Variants in PSMD14 observed in about 807,000 individuals in gnomAD.
The protein encoded by PSMD14 is proteasome 26S subunit, non-ATPase 14.
PSMD14 carries 7 observed loss-of-function variants against 41.2 expected under a neutral mutation model. That is an observed-to-expected ratio of 0.17 (90% CI 0.10 to 0.32). The LOEUF is 0.32. PSMD14 is among the 10% of genes least tolerant of loss of function. PSMD14 has a pLI of 1.00. For synonymous variants in PSMD14, 114 were observed against 122.3 expected, an observed-to-expected ratio of 0.93 and a Z score of 0.45; for missense variants, 139 against 375.6, an observed-to-expected ratio of 0.37 and a Z score of 5.21.
intron 3 of PSMD14, among the ~76,000 whole-genome samples, chr2:161,323,172 T>C (rs1682635500): frequency 6.6e-6 from 1 of 152,248 alleles, no homozygotes; most frequent in Admixed American, 6.5e-5. Context: ...CCTGTATTAC[T>C]GTACTGGAAT....
At chr2:161,377,214 A>G (rs1414236740) in intron 7 of PSMD14, among the ~76,000 whole-genome samples, 1 of 151,988 alleles carries the variant, frequency 6.6e-6, no homozygotes. Context: ...AGTCCTAATC[A>G]TAAATTATAC....
chr2:161,362,177 C>T (rs1277882045), intron 3 of PSMD14, among the ~76,000 whole-genome samples: 1 of 152,156 alleles, frequency 6.6e-6, no homozygotes, highest in Non-Finnish European at 1.5e-5. Context: ...GCCATCTTCC[C>T]ACTCAGCGTC....
At chr2:161,325,334 A>C (rs1472495220) in intron 3 of PSMD14, among the ~76,000 whole-genome samples, 1 of 152,162 alleles carries the variant, frequency 6.6e-6, no homozygotes, top group Non-Finnish European at 1.5e-5. Context: ...TCATGAATTG[A>C]ATAGGATGTA....
At chr2:161,337,724 TGTATAAACAG>T (rs1238607110) in intron 3 of PSMD14, among the ~76,000 whole-genome samples, 2 of 152,214 alleles carry the variant, frequency 1.3e-5, no homozygotes, top group African/African-American at 4.8e-5. Context: ...TTTTTCAAAG[TGTATAAACAG>T]GTACATTTGC....
In PSMD14 at chr2:161,391,245, G is replaced by T. The variant is rs564045843; in HGVS notation, c.645+67G>T. The T allele has an allele frequency of 4.3e-6, 6 of 1,403,618 alleles. No individual in the cohort carries two copies. The African/African-American group carries it at 8.7e-5, about 20-fold the overall frequency. The allele number at this position is 1,403,618 out of a possible 1,614,324, so 86.9% of individuals were successfully genotyped here. ...TTCAAACCATTTAAACTATTACCTG[G>T]TATGTGATTTAAATTCGAATTTTTG... On this transcript the variant is annotated intron_variant, in intron 9 of 11. Transcript: ENST00000409682.
At chr2:161,344,454 C>A (rs1480769273) in intron 3 of PSMD14, among the ~76,000 whole-genome samples, 1 of 152,246 alleles carries the variant, frequency 6.6e-6, no homozygotes, top group African/African-American at 2.4e-5. Flanking sequence ...TAATCTCATT[C>A]ATGAGGCTTC....
chr2:161,320,454 C>T (rs1473050725), intron 3 of PSMD14, among the ~76,000 whole-genome samples: 3 of 151,994 alleles, frequency 2.0e-5, no homozygotes, highest in East Asian at 1.9e-4. Flanking sequence ...GATTAATCAG[C>T]CATTGTGTCC....
At chr2:161,382,312 A>G (rs1310674573) in intron 7 of PSMD14, 3 of 151,842 alleles carry the variant, frequency 2.0e-5, no homozygotes, top group African/African-American at 4.8e-5. Flanking sequence ...TGAGTTGCGC[A>G]TAGACCAAAG....
chr2:161,370,115 T>C lies in PSMD14; in HGVS notation c.249T>C (p.Ser83=). 6.3e-7 allele frequency: 1 copy of C among 1,585,308 alleles called. No individual in the cohort carries two copies. The highest frequency in any genetic ancestry group is 1.8e-5 in the Admixed American group (1 of 56,776). ...CTTTCTTTCTAAATCAGGGTGTCAG[T>C]GTGGAGGCAGTTGATCCAGTGTTCC... ...FAMPQSGTGV[S]VEAVDPVFQA... is the part of the protein sequence containing the mutation. Residue 83 remains serine (S), a synonymous_variant, in exon 6 of 12, where the codon AGT becomes AGC. Coordinates refer to ENST00000409682, the MANE Select transcript of PSMD14 (RefSeq NM_005805.6).
chr2:161,399,522 G>C (rs79270060), intron 10 of PSMD14, among the ~76,000 whole-genome samples: 1 of 151,966 alleles, frequency 6.6e-6, no homozygotes, highest in African/African-American at 2.4e-5. Context: ...CTTTAATGCC[G>C]ATTTGTGAGA....
At chr2:161,326,690 A>G (rs1200270008) in intron 3 of PSMD14, among the ~76,000 whole-genome samples, 1 of 152,178 alleles carries the variant, frequency 6.6e-6, no homozygotes, top group Non-Finnish European at 1.5e-5. Context: ...AATAAAATGC[A>G]TATACACTCA....
chr2:161,348,162 ATCT>A (rs1362554718), intron 3 of PSMD14, among the ~76,000 whole-genome samples: 1 of 152,178 alleles, frequency 6.6e-6, no homozygotes, highest in African/African-American at 2.4e-5. Context: ...AACCCAGCAA[ATCT>A]TCTCCTAATT....
intron 3 of PSMD14, among the ~76,000 whole-genome samples, chr2:161,347,469 G>T (rs947983140): frequency 1.3e-5 from 2 of 152,122 alleles, no homozygotes; most frequent in Non-Finnish European, 2.9e-5. Flanking sequence ...AAAAATTTGT[G>T]TTGGAATATT....
At chr2:161,314,992 C>T (rs991661880) in intron 1 of PSMD14, among the ~76,000 whole-genome samples, 5 of 152,104 alleles carry the variant, frequency 3.3e-5, no homozygotes, top group Non-Finnish European at 7.4e-5. Flanking sequence ...CAAACTGTTC[C>T]CAGCACTCAT....
At chr2:161,320,899 A>G (rs1682568647) in intron 3 of PSMD14, among the ~76,000 whole-genome samples, 2 of 151,834 alleles carry the variant, frequency 1.3e-5, no homozygotes, top group African/African-American at 2.4e-5. Context: ...CCGATTTTTG[A>G]ATTTATAGTA....
rs182120180 is a variant in PSMD14, at chr2:161,371,328, G to A, written c.462+6G>A. The stretch of plus-strand genomic sequence containing the variant: ...TTCAGAGTGTAAAAGGAAAGGTAGA[G>A]TAGATTCTATCTTTATTGCCATCTA... On this transcript the variant is annotated splice_donor_region_variant and intron_variant, in intron 7 of 11. Coordinates refer to ENST00000409682, the MANE Select transcript of PSMD14 (RefSeq NM_005805.6). 3.7e-6 allele frequency: 6 copies of A among 1,603,990 alleles called. No homozygotes were observed. The highest frequency in any genetic ancestry group is 3.4e-5 in the South Asian group (3 of 89,362).
intron 3 of PSMD14, among the ~76,000 whole-genome samples, chr2:161,321,190 A>C (rs1682581267): frequency 6.6e-6 from 1 of 152,228 alleles, no homozygotes; most frequent in Non-Finnish European, 1.5e-5. Context: ...TGGAAAAGGC[A>C]GAATTCCCTC....
At chr2:161,336,961 T>A (rs970284602) in intron 3 of PSMD14, among the ~76,000 whole-genome samples, 3 of 152,222 alleles carry the variant, frequency 2.0e-5, no homozygotes, top group Non-Finnish European at 2.9e-5. Context: ...TTATAAACAT[T>A]AAGGAAGTTC....
intron 2 of PSMD14, among the ~76,000 whole-genome samples, chr2:161,318,440 C>T (rs1423228572): frequency 6.6e-6 from 1 of 152,102 alleles, no homozygotes; most frequent in African/African-American, 2.4e-5. Flanking sequence ...TATTTGTACA[C>T]TCTGGACCAA....
Sources: allele counts gnomAD v4.1 joint callset (sites outside exome capture counted in the v4.1 genomes callset), GRCh38; gene constraint gnomAD v4.1.1; transcripts MANE v1.5; gene names NCBI Gene and HGNC (gene_info 2026-07-23, HGNC 2026-07-21).